The following LARP1 variants were observed in gnomAD, a reference collection of about 807,000 sequenced individuals.
LARP1 encodes la-related protein 1.
LARP1 carries 36 observed loss-of-function variants against 122.7 expected under a neutral mutation model. The observed-to-expected ratio is 0.29, with a 90% CI of 0.22 to 0.39. The LOEUF (loss-of-function observed/expected upper bound fraction) is 0.39, where lower values mean the gene tolerates loss of function less well. LARP1 is among the 10% of genes least tolerant of loss of function. The probability of loss-of-function intolerance (pLI) is 1.00; values close to 1 mark genes in which losing one functional copy is unlikely to be tolerated. For missense variants in LARP1, 1,040 were observed against 1,403.6 expected (o/e 0.74, Z 4.14); for synonymous variants, 539 against 528.7 (o/e 1.02, Z -0.27).
chr5:154,760,522 TA>T (rs1280894092), intron 1 of LARP1, among the ~76,000 whole-genome samples: 11 of 152,226 alleles, frequency 7.2e-5, no homozygotes, highest in Non-Finnish European at 1.5e-4. Context: ...TTCAGGAGCC[TA>T]AGTCGATGGC....
At chr5:154,795,986 TTA>T (rs1218026588) in intron 8 of LARP1, among the ~76,000 whole-genome samples, 2 of 103,056 alleles carry the variant, frequency 1.9e-5, no homozygotes, top group African/African-American at 7.6e-5. Flanking sequence ...TATTTATATA[TTA>T]TATATTTTTA....
chr5:154,778,275 A>AAAAAAG (rs1756098590), intron 1 of LARP1, among the ~76,000 whole-genome samples: 2 of 151,906 alleles, frequency 1.3e-5, no homozygotes, highest in South Asian at 2.1e-4. Flanking sequence ...AAAAAAAAAA[A>AAAAAAG]AAGTGCAGCT....
rs372571060 is a variant in LARP1 at position 154,747,681 on chromosome 5, C to T, written c.205+34551C>T. Among the ~76,000 whole-genome samples the T allele has an allele frequency of 2.0e-5, 3 of 151,984 alleles. No individual in the cohort carries two copies. The East Asian group carries it at 5.8e-4, about 29-fold the overall frequency. On this transcript the variant is annotated intron_variant, in intron 1 of 18. Transcript: ENST00000336314. Reference sequence around the variant, plus strand: ...TGCCATTGCACTCCAGCCTGGGCAACAAAAGCGAAAATCCGTCTCAAAAAA... The same window carrying T: ...TGCCATTGCACTCCAGCCTGGGCAATAAAAGCGAAAATCCGTCTCAAAAAA...
intron 1 of LARP1, among the ~76,000 whole-genome samples, chr5:154,770,610 T>C (rs868707504): frequency 6.6e-6 from 1 of 152,132 alleles, no homozygotes; most frequent in Non-Finnish European, 1.5e-5. Context: ...TTGGGACTGA[T>C]CTTGACCCTG....
chr5:154,810,071 G>C (rs1010794717), intron 16 of LARP1, among the ~76,000 whole-genome samples: 4 of 151,932 alleles, frequency 2.6e-5, no homozygotes, highest in African/African-American at 9.7e-5. Context: ...TTTCTTAATT[G>C]CATCTCTATT....
At position 154,814,305 on chromosome 5, in the gene LARP1, C is replaced by G. The variant is rs1582504024; in HGVS notation, c.*209C>G. 2.0e-6 allele frequency: 1 copy of G among 492,446 alleles called. No homozygotes were observed. The allele number at this position is 492,446 out of a possible 1,614,324, so 30.5% of individuals were successfully genotyped here. On this transcript the variant is annotated 3_prime_UTR_variant, in exon 19 of 19. Transcript: ENST00000518297. ...CTCTACATCCCCTTCCCCCTCCTCTCTCCATGACTCTTGACATCCTAGCTT... is the reference window on the plus strand; with the variant it reads ...CTCTACATCCCCTTCCCCCTCCTCTGTCCATGACTCTTGACATCCTAGCTT...
intron 8 of LARP1, among the ~76,000 whole-genome samples, chr5:154,795,698 C>G (rs1195418331): frequency 6.6e-6 from 1 of 150,488 alleles, no homozygotes; most frequent in African/African-American, 2.4e-5. Flanking sequence ...AAAAGATAGA[C>G]TTGTTAAAAG....
chr5:154,798,356 A>T (rs550525795), intron 8 of LARP1, among the ~76,000 whole-genome samples: 1 of 152,224 alleles, frequency 6.6e-6, no homozygotes, highest in East Asian at 1.9e-4. Flanking sequence ...TATACAACAC[A>T]TGGCATTTCT....
At chr5:154,727,512 G>C (rs1420847383) in intron 1 of LARP1, among the ~76,000 whole-genome samples, 1 of 152,080 alleles carries the variant, frequency 6.6e-6, no homozygotes, top group Non-Finnish European at 1.5e-5. Context: ...GGGAGAATTG[G>C]GGTGGTATTG....
intron 1 of LARP1, among the ~76,000 whole-genome samples, chr5:154,783,220 C>T (rs1458389868): frequency 6.6e-6 from 1 of 152,196 alleles, no homozygotes; most frequent in Admixed American, 6.5e-5. Context: ...CCCTGAGCAG[C>T]CTCTGGGAGA....
chr5:154,810,854 A>C (rs1582491913), intron 16 of LARP1, among the ~76,000 whole-genome samples: 1 of 152,208 alleles, frequency 6.6e-6, no homozygotes, highest in Non-Finnish European at 1.5e-5. Context: ...GGCATGGTCA[A>C]ATGGCTTTGC....
Position 154,793,874 on chromosome 5 carries a change from G to C in LARP1, c.943G>C (p.Ala315Pro), listed in dbSNP as rs1040067052. The C allele has an allele frequency of 1.5e-5, 24 of 1,614,068 alleles. No homozygotes were observed. The highest frequency in any genetic ancestry group is 1.9e-5 in the Non-Finnish European group (23 of 1,180,032). Residue 315 changes from alanine to proline, a missense_variant, in exon 6 of 19, where the codon GCC (alanine) becomes CCC (proline). Physicochemically the swap from Ala to Pro is conservative, Grantham distance 27 (BLOSUM62 -1). Transcript: ENST00000518297. ...GCAACCAGAGATCAAACCGGAGCCT[G>C]CCTGGCACGACCAGGATGAGACATC... ...AWQPEIKPEP[A>P]WHDQDETSSV...
intron 1 of LARP1, among the ~76,000 whole-genome samples, chr5:154,703,120 C>CAAAA (rs757446137): frequency 5.2e-5 from 2 of 38,774 alleles, no homozygotes; most frequent in African/African-American, 7.9e-5. Flanking sequence ...GACGCTGTCT[C>CAAAA]AAAAAAAAAA....
In LARP1 at chr5:154,802,123, G is replaced by A; in HGVS notation, c.1833G>A (p.Glu611=). The A allele has an allele frequency of 1.9e-6, 3 of 1,614,228 alleles. No individual in the cohort carries two copies. In the South Asian group the frequency reaches 3.3e-5, roughly 18 times the overall value. ...AGGAACTGGATTTTCTGTTTGACGA[G>A]GAGATGGAGCAGATGGATGGGCGGA... is the stretch of plus-strand genomic sequence containing the variant. The part of the protein sequence containing the change: ...EQEELDFLFD[E]EMEQMDGRKN... The change falls in exon 11 of 19, where the codon GAG becomes GAA. Residue 611 remains glutamate, a synonymous_variant. Coordinates refer to ENST00000518297, the MANE Select transcript of LARP1 (RefSeq NM_033551.3). This position sits in a 1 kb window ranked among gnomAD's most constrained non-coding sequence, Gnocchi z 5.1.
At chr5:154,716,916 C>T (rs72797582) in intron 1 of LARP1, among the ~76,000 whole-genome samples, 2,153 of 152,084 alleles carry the variant, frequency 0.014, 31 homozygotes, top group Non-Finnish European at 0.021. Flanking sequence ...AAAAATTAGC[C>T]GGGCGTCATT....
intron 1 of LARP1, among the ~76,000 whole-genome samples, chr5:154,695,754 T>TG (rs1754442637): frequency 6.7e-6 from 1 of 149,856 alleles, no homozygotes; most frequent in Non-Finnish European, 1.5e-5. Context: ...ATACCTGTAA[T>TG]CCCAGCTACT....
At position 154,802,020 on chromosome 5, in the gene LARP1, C is replaced by T; in HGVS notation, c.1730C>T (p.Ser577Phe). 6.2e-7 allele frequency: 1 copy of T among 1,612,390 alleles called. No homozygotes were observed. Among genetic ancestry groups the T allele is most frequent in the Non-Finnish European group, 8.5e-7 (1 of 1,179,140 alleles). The change falls in exon 11 of 19, where the codon TCC (serine) becomes TTC (phenylalanine). Residue 577 changes from serine (S) to phenylalanine (F), a missense_variant. Physicochemically the swap from Ser to Phe is radical, Grantham distance 155. This residue lies in a region of LARP1 where 362 missense variants were observed against 533.1 expected (regional missense o/e 0.68). Coordinates refer to ENST00000518297, the MANE Select transcript of LARP1 (RefSeq NM_033551.3). This position sits in a 1 kb window ranked among gnomAD's most constrained non-coding sequence, Gnocchi z 5.1. ...GTCCTATTTTAGAAGTCAGAGGAGTCCAGATTTTCCCACCTGACCTCTCTG... is the reference window on the plus strand; with the variant it reads ...GTCCTATTTTAGAAGTCAGAGGAGTTCAGATTTTCCCACCTGACCTCTCTG... ...SPARPKKSEESRFSHLTSLPQ... is the reference protein window; with the variant it reads ...SPARPKKSEEFRFSHLTSLPQ...
At position 154,795,160 on chromosome 5, in the gene LARP1, C is replaced by CT; in HGVS notation, c.1233-13dup. ...ACCAATCCCTCGGTGATAACTACTT[C>CT]TTCCCTCCACTTAGTGAATACTACT... is the stretch of plus-strand genomic sequence containing the variant. On this transcript the variant is annotated splice_polypyrimidine_tract_variant and intron_variant, in intron 7 of 18. Coordinates refer to ENST00000518297, the MANE Select transcript of LARP1 (RefSeq NM_033551.3). 6.2e-7 allele frequency: 1 copy of CT among 1,612,846 alleles called. No individual in the cohort carries two copies. Among genetic ancestry groups the CT allele is most frequent in the African/African-American group, 1.3e-5 (1 of 75,006 alleles).
intron 1 of LARP1, among the ~76,000 whole-genome samples, chr5:154,784,746 G>A (rs950519187): frequency 2.1e-4 from 32 of 152,160 alleles, no homozygotes; most frequent in African/African-American, 7.5e-4. Context: ...TCACCCATGT[G>A]CTTTCTACCT....
Sources: allele counts gnomAD v4.1 joint callset (sites outside exome capture counted in the v4.1 genomes callset), GRCh38; gene constraint gnomAD v4.1.1; regional missense constraint gnomAD v4.1.1; non-coding constraint Gnocchi (gnomAD v3.1); transcripts MANE v1.5; gene names NCBI Gene and HGNC (gene_info 2026-07-23, HGNC 2026-07-21).